Variants in OR4F16 observed in about 807,000 individuals in gnomAD.
The protein encoded by OR4F16 is olfactory receptor 4F3/4F16/4F29.
chr1:702,460 A>G, the OR4F16 span: 1 of 139,666 alleles, frequency 7.2e-6, no homozygotes, highest in Admixed American at 7.2e-5. Flanking sequence ...TCCTAATTGT[A>G]ATAGCTTTGT....
At chr1:691,133 G>C (rs1311490265), upstream of OR4F16, among the ~76,000 whole-genome samples, 1 of 151,372 alleles carries the variant, frequency 6.6e-6, no homozygotes, top group Non-Finnish European at 1.5e-5. Flanking sequence ...TCCCTTGTTT[G>C]CTTGCTCCCT....
At chr1:687,527 T>G (rs1408131348), upstream of OR4F16, among the ~76,000 whole-genome samples, 1 of 131,898 alleles carries the variant, frequency 7.6e-6, no homozygotes, top group Admixed American at 7.4e-5. Context: ...CATGAAAGTA[T>G]TGAAGACCAG....
the OR4F16 span, among the ~76,000 whole-genome samples, chr1:701,761 G>A: frequency 6.6e-6 from 1 of 150,530 alleles, no homozygotes; most frequent in Non-Finnish European, 1.5e-5. Flanking sequence ...AGACACTGGG[G>A]TCTACTTGAG....
the OR4F16 span, among the ~76,000 whole-genome samples, chr1:717,209 C>A: frequency 9.3e-4 from 138 of 148,730 alleles, 2 homozygotes; most frequent in African/African-American, 3.3e-3. Flanking sequence ...CAAAAACAAA[C>A]AAAAAAAAAG....
chr1:691,187 A>G (rs978355875), upstream of OR4F16, among the ~76,000 whole-genome samples: 4 of 151,622 alleles, frequency 2.6e-5, no homozygotes, highest in Non-Finnish European at 5.9e-5. Flanking sequence ...AGGTAAAAAT[A>G]CTTAACCTCA....
At chr1:682,267 ACCTATGTAACAAT>A (rs1326581364), downstream of OR4F16, among the ~76,000 whole-genome samples, 7 of 24,142 alleles carry the variant, frequency 2.9e-4, no homozygotes, top group South Asian at 0.01. Flanking sequence ...GCACGTGTAT[ACCTATGTAACAAT>A]CCTGCATGTT....
the OR4F16 span, chr1:702,332 A>T: frequency 1.3e-5 from 2 of 148,464 alleles, no homozygotes; most frequent in Admixed American, 1.3e-4. Flanking sequence ...GGGCAACAAG[A>T]GCAAGACTCT....
chr1:690,825 T>C (rs1308855986), upstream of OR4F16, among the ~76,000 whole-genome samples: 1 of 147,810 alleles, frequency 6.8e-6, no homozygotes, highest in African/African-American at 2.6e-5. Context: ...ATAATAAATT[T>C]TAGTATTCAA....
the OR4F16 span, among the ~76,000 whole-genome samples, chr1:715,949 A>G: frequency 2.1e-5 from 3 of 145,066 alleles, no homozygotes; most frequent in Admixed American, 6.9e-5. Context: ...CAACTTGACT[A>G]ACAAAATTAC....
the OR4F16 span, among the ~76,000 whole-genome samples, chr1:710,991 TTAC>T: frequency 2.5e-5 from 1 of 39,742 alleles, no homozygotes; most frequent in East Asian, 7.0e-4. Flanking sequence ...TATAGGATTC[TTAC>T]TAAAGAAAAA....
chr1:690,170 TAATA>T (rs1317245587), upstream of OR4F16, among the ~76,000 whole-genome samples: 4 of 69,368 alleles, frequency 5.8e-5, no homozygotes, highest in African/African-American at 3.1e-4. Flanking sequence ...TACTATACAA[TAATA>T]TACACATGCA....
the OR4F16 span, among the ~76,000 whole-genome samples, chr1:715,821 G>A: frequency 1.3e-5 from 2 of 150,770 alleles, no homozygotes; most frequent in Non-Finnish European, 2.9e-5. Context: ...GGTAGAGTAA[G>A]ACCCTGTCTC....
chr1:712,703 G>GT, the OR4F16 span, among the ~76,000 whole-genome samples: 2 of 140,826 alleles, frequency 1.4e-5, no homozygotes, highest in African/African-American at 5.0e-5. Flanking sequence ...ATAAAATATA[G>GT]TAACTACATA....
chr1:717,049 GAAGA>G, the OR4F16 span, among the ~76,000 whole-genome samples: 41 of 117,608 alleles, frequency 3.5e-4, no homozygotes, highest in African/African-American at 8.6e-4. Context: ...TAAAAAACTA[GAAGA>G]AAGAATGTTG....
the OR4F16 span, among the ~76,000 whole-genome samples, chr1:702,672 A>G: frequency 3.7e-5 from 1 of 26,992 alleles, no homozygotes; most frequent in African/African-American, 1.3e-4. Context: ...TGGATTAAGT[A>G]ATGTCTTAGT....
At chr1:701,317 G>A in the OR4F16 span, among the ~76,000 whole-genome samples, 5 of 150,106 alleles carry the variant, frequency 3.3e-5, no homozygotes, top group East Asian at 2.0e-4. Context: ...ATTCTGATGG[G>A]AGAATTAGAA....
chr1:702,502 G>T, the OR4F16 span, among the ~76,000 whole-genome samples: 2 of 100,404 alleles, frequency 2.0e-5, no homozygotes, highest in Admixed American at 2.4e-4. Context: ...TACTCTATAT[G>T]TTATTATTTT....
the OR4F16 span, among the ~76,000 whole-genome samples, chr1:699,394 CCCA>C: frequency 0.28 from 1,437 of 5,194 alleles, 6 homozygotes; most frequent in Non-Finnish European, 0.46. Context: ...GGGCTTCAAC[CCCA>C]CATTTCCATT....
At chr1:677,952 A>C in the OR4F16 span, among the ~76,000 whole-genome samples, 1 of 75,160 alleles carries the variant, frequency 1.3e-5, no homozygotes, top group East Asian at 4.0e-4. Context: ...TGAAGGAAAA[A>C]ATGTTAAGGG....
Sources: gnomAD v4.1 joint callset for allele counts (sites outside exome capture counted in the v4.1 genomes callset) on GRCh38, gnomAD v4.1.1 for gene constraint, MANE v1.5 for transcripts, NCBI Gene and HGNC (gene_info 2026-07-23, HGNC 2026-07-21) for gene names.